Variants in EMILIN2 observed in about 807,000 individuals in gnomAD.
EMILIN2 encodes EMILIN-2.
Under a neutral mutation model 87.1 loss-of-function variants are expected in EMILIN2, and 71 were observed. That is an observed-to-expected ratio of 0.82 (90% CI 0.67 to 0.99). The LOEUF (loss-of-function observed/expected upper bound fraction) is 0.99, where lower values mean the gene tolerates loss of function less well. EMILIN2 is among the 50% of genes least tolerant of loss of function. The probability of loss-of-function intolerance (pLI) is 0.00; values close to 1 mark genes in which losing one functional copy is unlikely to be tolerated. For synonymous variants in EMILIN2, 581 were observed against 563.4 expected (o/e 1.03, Z -0.44); for missense variants, 1,407 against 1,371.8 (o/e 1.03, Z -0.40).
chr18:2,904,169 A>G (rs2144062841), intron 4 of EMILIN2, among the ~76,000 whole-genome samples: 1 of 152,308 alleles, frequency 6.6e-6, no homozygotes, highest in East Asian at 1.9e-4. Context: ...TCTAGTTTCC[A>G]ATACTGTTGA....
intron 2 of EMILIN2, among the ~76,000 whole-genome samples, chr18:2,879,487 G>A (rs566208033): frequency 4.6e-5 from 7 of 152,036 alleles, no homozygotes; most frequent in East Asian, 2.0e-4. Context: ...GGAGAAACCC[G>A]GTCTCTAAGA....
At chr18:2,868,579 C>A (rs1162493703) in intron 2 of EMILIN2, among the ~76,000 whole-genome samples, 3 of 152,246 alleles carry the variant, frequency 2.0e-5, no homozygotes, top group Non-Finnish European at 4.4e-5. Context: ...GGATCACTCG[C>A]GGTTAGGAGC....
At chr18:2,859,671 A>G (rs550883243) in intron 2 of EMILIN2, among the ~76,000 whole-genome samples, 1 of 152,212 alleles carries the variant, frequency 6.6e-6, no homozygotes, top group East Asian at 1.9e-4. Flanking sequence ...GGGCTTTTCC[A>G]ATGTTATCTT....
At position 2,894,408 on chromosome 18, in the gene EMILIN2, C is replaced by T. The variant is rs1486665125; in HGVS notation, c.2359+1922C>T. Among the ~76,000 whole-genome samples, 1 of 152,214 alleles carries T rather than the reference C, an allele frequency of 6.6e-6. No individual in the cohort carries two copies. The highest frequency in any genetic ancestry group is 1.5e-5 in the Non-Finnish European group (1 of 68,034). On this transcript the variant is annotated intron_variant, in intron 4 of 7. Transcript: ENST00000254528. The surrounding 1 kb of genome is among the most constrained non-coding windows in gnomAD (Gnocchi z 5.0). ...ACTATTTATAACCCAGCCCTTCCCC[C>T]ACTCCAGGGCCACTCAGCTCCTCTA... is the stretch of plus-strand genomic sequence containing the variant.
At chr18:2,909,889 T>C in intron 7 of EMILIN2, 70 bp downstream of exon 7, 1 of 1,575,410 alleles carries the variant, frequency 6.3e-7, no homozygotes, top group Non-Finnish European at 8.6e-7. Flanking sequence ...CCTCCCACCA[T>C]GGCTGGCTGG....
chr18:2,887,806 C>T (rs1038299092), intron 3 of EMILIN2, among the ~76,000 whole-genome samples: 16 of 152,022 alleles, frequency 1.1e-4, no homozygotes, highest in African/African-American at 3.9e-4. Context: ...ACTATTTTTA[C>T]AACTTTTTCT....
chr18:2,882,437 C>CT (rs1342464524), intron 2 of EMILIN2, among the ~76,000 whole-genome samples: 54 of 152,272 alleles, frequency 3.5e-4, no homozygotes, highest in African/African-American at 1.3e-3. Flanking sequence ...ATGGCTCAGG[C>CT]TAAGAACCAC....
Position 2,898,467 on chromosome 18 carries a change from G to A in EMILIN2, c.2359+5981G>A, listed in dbSNP as rs190511205. ...AGAGGAAGGAAGGGGTGCTGGTGGC[G>A]AGCAGGAAGGGAAGGCAGAGGGACG... On this transcript the variant is annotated intron_variant, in intron 4 of 7. Coordinates refer to ENST00000254528, the MANE Select transcript of EMILIN2 (RefSeq NM_032048.3). 4.8e-3 allele frequency among the ~76,000 whole-genome samples: 725 copies of A among 152,326 alleles called. 6 individuals are homozygous for A. The highest frequency in any genetic ancestry group is 7.4e-3 in the Admixed American group (114 of 15,304).
chr18:2,883,890 G>A (rs2144022901), intron 2 of EMILIN2, among the ~76,000 whole-genome samples: 1 of 152,348 alleles, frequency 6.6e-6, no homozygotes, highest in Admixed American at 6.5e-5. Flanking sequence ...CTAGCATCAG[G>A]AAAGGGAGGT....
At chr18:2,863,776 C>G (rs1366944515) in intron 2 of EMILIN2, among the ~76,000 whole-genome samples, 15 of 151,730 alleles carry the variant, frequency 9.9e-5, no homozygotes, top group Middle Eastern at 6.3e-3. Flanking sequence ...GGATATCCTT[C>G]TTAACTTTCT....
At chr18:2,879,721 T>C (rs1310341322) in intron 2 of EMILIN2, among the ~76,000 whole-genome samples, 3 of 151,754 alleles carry the variant, frequency 2.0e-5, no homozygotes, top group Non-Finnish European at 4.4e-5. Context: ...GATTGATTTA[T>C]TTTTTGAGGT....
intron 2 of EMILIN2, among the ~76,000 whole-genome samples, chr18:2,883,019 G>A (rs886103397): frequency 6.6e-6 from 1 of 152,098 alleles, no homozygotes; most frequent in Non-Finnish European, 1.5e-5. Flanking sequence ...CAGCCTGGGC[G>A]ACCAAGTGAT....
intron 2 of EMILIN2, among the ~76,000 whole-genome samples, chr18:2,866,023 A>G (rs950341671): frequency 5.9e-5 from 9 of 152,184 alleles, no homozygotes; most frequent in African/African-American, 2.2e-4. Flanking sequence ...TGCGGGATAT[A>G]ATCTGGTGTG....
At position 2,848,590 on chromosome 18, in the gene EMILIN2, T is replaced by C; in HGVS notation, c.257+659T>C. ...CTTTTTGCTTATAAAGATTTCCCCATCTTAAAAAAAAAAAAAAACAGGAAG... is the reference window on the plus strand; with the variant it reads ...CTTTTTGCTTATAAAGATTTCCCCACCTTAAAAAAAAAAAAAAACAGGAAG... On this transcript the variant is annotated intron_variant, in intron 2 of 7. Coordinates refer to ENST00000254528, the MANE Select transcript of EMILIN2 (RefSeq NM_032048.3). This position sits in a 1 kb window ranked among gnomAD's most constrained non-coding sequence, Gnocchi z 4.1. 8.0e-6 allele frequency among the ~76,000 whole-genome samples: 1 copy of C among 124,262 alleles called. No homozygotes were observed. Among genetic ancestry groups the C allele is most frequent in the East Asian group, 2.1e-4 (1 of 4,872 alleles). 81.5% of individuals were successfully genotyped at this position (124,262 alleles called of 152,430 possible). A position where few individuals can be genotyped will look rare whatever the true frequency, so the allele number is the denominator to read the frequency against.
At chr18:2,902,274 C>T (rs1231207988) in intron 4 of EMILIN2, among the ~76,000 whole-genome samples, 2 of 152,156 alleles carry the variant, frequency 1.3e-5, no homozygotes, top group Non-Finnish European at 2.9e-5. Flanking sequence ...TCACCCAATA[C>T]TTAAATTGTT....
intron 7 of EMILIN2, among the ~76,000 whole-genome samples, chr18:2,910,230 G>A (rs568630681): frequency 6.6e-6 from 1 of 152,278 alleles, no homozygotes; most frequent in Admixed American, 6.5e-5. Context: ...GGACAAGCGG[G>A]AGGCTCCCTC....
At chr18:2,878,145 T>G (rs200723220) in intron 2 of EMILIN2, among the ~76,000 whole-genome samples, 1 of 80 alleles carries the variant, frequency 0.013, no homozygotes, top group Non-Finnish European at 0.042. Context: ...CATAACAACG[T>G]TAAGTGTGCT....
rs911946386 is a variant in EMILIN2 at position 2,894,827 on chromosome 18, G to T, written c.2359+2341G>T. On this transcript the variant is annotated intron_variant, in intron 4 of 7. Transcript: ENST00000254528. This position sits in a 1 kb window ranked among gnomAD's most constrained non-coding sequence, Gnocchi z 5.0. ...GACCTGGAACCTGAGTATCAGAGGT[G>T]CATGGGAGAATCTGGAGCTAAGGTC... Among the ~76,000 whole-genome samples, 3 of 152,184 alleles carry T rather than the reference G, an allele frequency of 2.0e-5. No homozygotes were observed. Among genetic ancestry groups the T allele is most frequent in the Admixed American group, 2.0e-4 (3 of 15,286 alleles).
chr18:2,912,528 TG>T (rs2144081393), intron 7 of EMILIN2, among the ~76,000 whole-genome samples: 1 of 152,310 alleles, frequency 6.6e-6, no homozygotes, highest in South Asian at 2.1e-4. Flanking sequence ...AATTGTGACA[TG>T]TACAGATCTT....
Sources: gnomAD v4.1 joint callset for allele counts (sites outside exome capture counted in the v4.1 genomes callset) on GRCh38, gnomAD v4.1.1 for gene constraint, Gnocchi (gnomAD v3.1) non-coding constraint, MANE v1.5 for transcripts, NCBI Gene and HGNC (gene_info 2026-07-23, HGNC 2026-07-21) for gene names.